Variants in RBFOX1 observed in about 807,000 individuals in gnomAD.
RBFOX1 encodes RNA binding fox-1 homolog 1.
RBFOX1 carries 8 observed loss-of-function variants against 57.7 expected under a neutral mutation model. That is an observed-to-expected ratio of 0.14 (90% confidence interval 0.08 to 0.25). The LOEUF (loss-of-function observed/expected upper bound fraction) is 0.25. Ranked by LOEUF, RBFOX1 falls within the 10% of genes least tolerant of loss-of-function variation. The pLI is 1.00. For missense variants in RBFOX1, 611 were observed against 548.5 expected, an observed-to-expected ratio of 1.11 and a Z score of -1.14; for synonymous variants, 326 against 222.4, an observed-to-expected ratio of 1.47 and a Z score of -4.15.
chr16:7,340,918 A>T (rs760662363), intron 4 of RBFOX1, among the ~76,000 whole-genome samples: 1 of 152,194 alleles, frequency 6.6e-6, no homozygotes, highest in Non-Finnish European at 1.5e-5. Context: ...ATGCTATATC[A>T]GCAACTATGC....
chr16:6,138,175 G>C (rs1175473146), intron 1 of RBFOX1, among the ~76,000 whole-genome samples: 1 of 152,180 alleles, frequency 6.6e-6, no homozygotes, highest in Non-Finnish European at 1.5e-5. Flanking sequence ...ATATGACTTA[G>C]GGCCCATTTG....
At chr16:6,928,832 A>C (rs1158709354) in intron 3 of RBFOX1, among the ~76,000 whole-genome samples, 2 of 152,196 alleles carry the variant, frequency 1.3e-5, no homozygotes, top group East Asian at 1.9e-4. Flanking sequence ...AACACACACA[A>C]AAAAATCAGC....
intron 3 of RBFOX1, among the ~76,000 whole-genome samples, chr16:6,957,285 C>G (rs1009145771): frequency 2.6e-5 from 4 of 151,864 alleles, no homozygotes; most frequent in African/African-American, 7.3e-5. Flanking sequence ...GTGCCCACCA[C>G]TGCGCCAGGC....
intron 3 of RBFOX1, among the ~76,000 whole-genome samples, chr16:6,986,213 T>TTTATTTATTTAC (rs2090238532): frequency 6.6e-6 from 1 of 151,670 alleles, no homozygotes; most frequent in Non-Finnish European, 1.5e-5. Context: ...TATTTATTTA[T>TTTATTTATTTAC]TTTCTGAGAC....
At chr16:7,605,300 A>T (rs767542967) in intron 9 of RBFOX1, among the ~76,000 whole-genome samples, 4 of 152,194 alleles carry the variant, frequency 2.6e-5, no homozygotes, top group Admixed American at 6.5e-5. Flanking sequence ...GCAAGATGTG[A>T]TTAATACAAG....
chr16:6,227,535 G>A lies in RBFOX1; in HGVS notation c.-126-89460G>A, dbSNP rs112053028. On this transcript the variant is annotated intron_variant, in intron 1 of 15. Coordinates refer to ENST00000550418, the MANE Select transcript of RBFOX1 (RefSeq NM_018723.4). ...TGATACAGAAGTGGAAGTCTGCAGG[G>A]TAGGGACAGAAGTGAGCTTGTACAC... Among the ~76,000 whole-genome samples the A allele has an allele frequency of 6.6e-3, 1,009 of 152,208 alleles. 19 individuals carry two copies. The highest frequency in any genetic ancestry group is 0.023 in the African/African-American group (955 of 41,520).
intron 4 of RBFOX1, among the ~76,000 whole-genome samples, chr16:7,266,260 C>T (rs966195056): frequency 1.3e-5 from 2 of 152,046 alleles, no homozygotes; most frequent in African/African-American, 4.8e-5. Context: ...CAGGTGTGAG[C>T]CACCGTGCCC....
chr16:7,515,033 G>T (rs1336152959), intron 4 of RBFOX1, among the ~76,000 whole-genome samples: 1 of 152,230 alleles, frequency 6.6e-6, no homozygotes, highest in African/African-American at 2.4e-5. Context: ...TTTCACTTCA[G>T]AGATGGGCCA....
At chr16:7,536,127 G>A (rs2081410026) in intron 5 of RBFOX1, among the ~76,000 whole-genome samples, 2 of 152,190 alleles carry the variant, frequency 1.3e-5, no homozygotes, top group East Asian at 3.9e-4. Context: ...TCTTCCATCT[G>A]CAATTGGTTG....
chr16:7,019,453 G>C (rs1377655874), intron 3 of RBFOX1, among the ~76,000 whole-genome samples: 1 of 152,106 alleles, frequency 6.6e-6, no homozygotes, highest in East Asian at 1.9e-4. Flanking sequence ...TGTAGGTTTT[G>C]CTAAGAGATT....
At chr16:7,668,083 A>G (rs1339275272) in intron 13 of RBFOX1, among the ~76,000 whole-genome samples, 1 of 152,138 alleles carries the variant, frequency 6.6e-6, no homozygotes, top group African/African-American at 2.4e-5. Context: ...AATGTTCTCC[A>G]TCCTGGCAGT....
At chr16:6,666,540 C>CA (rs35935992) in intron 3 of RBFOX1, among the ~76,000 whole-genome samples, 3,730 of 81,188 alleles carry the variant, frequency 0.046, 99 homozygotes, top group Middle Eastern at 0.086. Flanking sequence ...ACTCTGTCTC[C>CA]AAAAAAAAAA....
intron 14 of RBFOX1, among the ~76,000 whole-genome samples, chr16:7,705,745 A>C (rs982574367): frequency 6.6e-6 from 1 of 152,200 alleles, no homozygotes; most frequent in Non-Finnish European, 1.5e-5. Flanking sequence ...TTGAAGGAGC[A>C]AGAGTTGAAA....
At chr16:5,951,863 T>G (rs1035133909) in intron 4 of RBFOX1, among the ~76,000 whole-genome samples, 2 of 152,074 alleles carry the variant, frequency 1.3e-5, no homozygotes, top group Non-Finnish European at 2.9e-5. Context: ...CGTGTGTGTG[T>G]GTATATATGT....
At chr16:5,518,871 C>G in intron 2 of RBFOX1, among the ~76,000 whole-genome samples, 1 of 152,184 alleles carries the variant, frequency 6.6e-6, no homozygotes, top group Non-Finnish European at 1.5e-5. Context: ...CCCTAACCCC[C>G]ACTCCCACAC....
rs1275118989 is a variant in RBFOX1, at chr16:6,554,751, CACACACAG to C, written c.-63-99844_-63-99837del. ...ACACACACACACACACACACACACA[CACACACAG>C]ACACACACACAAAGGTACACAGACA... On this transcript the variant is annotated intron_variant, in intron 2 of 15. Transcript: ENST00000550418. Among the ~76,000 whole-genome samples the C allele has an allele frequency of 6.5e-3, 517 of 80,122 alleles. 4 individuals are homozygous for C. Among genetic ancestry groups the C allele is most frequent in the African/African-American group, 0.015 (447 of 30,230 alleles). 52.6% of individuals were successfully genotyped at this position (80,122 alleles called of 152,430 possible). A position where few individuals can be genotyped will look rare whatever the true frequency, so the allele number is the denominator to read the frequency against.
intron 5 of RBFOX1, among the ~76,000 whole-genome samples, chr16:7,571,963 T>C (rs2092820522): frequency 6.6e-6 from 1 of 152,186 alleles, no homozygotes; most frequent in Middle Eastern, 3.2e-3. Flanking sequence ...ACCCTGTCTC[T>C]ATTCAATCTA....
chr16:5,761,960 T>C (rs1195913941), intron 3 of RBFOX1, among the ~76,000 whole-genome samples: 2 of 152,136 alleles, frequency 1.3e-5, no homozygotes, highest in Non-Finnish European at 2.9e-5. Flanking sequence ...ATGAGCTTCA[T>C]GGCAGAGTTT....
intron 4 of RBFOX1, among the ~76,000 whole-genome samples, chr16:7,298,195 G>C (rs978348538): frequency 3.3e-5 from 5 of 149,934 alleles, no homozygotes; most frequent in Admixed American, 2.7e-4. Flanking sequence ...TTCCCCTATT[G>C]CTGTTTATTA....
Sources: gnomAD v4.1 joint callset for allele counts (sites outside exome capture counted in the v4.1 genomes callset) on GRCh38, gnomAD v4.1.1 for gene constraint, MANE v1.5 for transcripts, NCBI Gene and HGNC (gene_info 2026-07-23, HGNC 2026-07-21) for gene names.